The following PACRG variants were observed in gnomAD, a reference collection of about 807,000 sequenced individuals.
PACRG encodes the protein parkin coregulated gene protein.
In PACRG, 29 loss-of-function variants were observed where a neutral mutation model predicts 29.7. The ratio of observed to expected loss-of-function variants is 0.98; its 90% CI spans 0.73 to 1.33. The LOEUF is 1.33. Ranked by LOEUF, PACRG falls within the 40% of genes most tolerant of loss-of-function variation. The pLI is 0.00. For synonymous variants in PACRG, 116 were observed against 118.7 expected, an observed-to-expected ratio of 0.98 and a Z score of 0.15; for missense variants, 279 against 316.2, an observed-to-expected ratio of 0.88 and a Z score of 0.89.
intron 4 of PACRG, among the ~76,000 whole-genome samples, chr6:163,124,642 T>C (rs10945872): frequency 0.26 from 39,812 of 152,118 alleles, 6,793 homozygotes; most frequent in Non-Finnish European, 0.37. Context: ...TCCCCAGGAA[T>C]GGGATTCCAC....
chr6:163,192,231 A>G (rs984940486), intron 4 of PACRG, among the ~76,000 whole-genome samples: 1 of 152,232 alleles, frequency 6.6e-6, no homozygotes, highest in Non-Finnish European at 1.5e-5. Flanking sequence ...GAATACCAAC[A>G]TTCTTGCAAA....
At chr6:163,169,569 G>A (rs1778972129) in intron 4 of PACRG, among the ~76,000 whole-genome samples, 1 of 152,202 alleles carries the variant, frequency 6.6e-6, no homozygotes, top group Admixed American at 6.5e-5. Context: ...CACTTCACAC[G>A]GCTGCGTGCT....
intron 2 of PACRG, among the ~76,000 whole-genome samples, chr6:162,987,695 T>C (rs1201515584): frequency 6.6e-6 from 1 of 152,186 alleles, no homozygotes; most frequent in Non-Finnish European, 1.5e-5. Flanking sequence ...TTACCCAGTC[T>C]TAGGTGTGTC....
intron 2 of PACRG, among the ~76,000 whole-genome samples, chr6:162,828,760 C>A (rs1788493289): frequency 6.6e-6 from 1 of 151,966 alleles, no homozygotes; most frequent in South Asian, 2.1e-4. Context: ...AAATAAGAGT[C>A]CTAACTTAAT....
chr6:162,871,766 A>G (rs1043790706), intron 2 of PACRG, among the ~76,000 whole-genome samples: 1 of 151,984 alleles, frequency 6.6e-6, no homozygotes, highest in Non-Finnish European at 1.5e-5. Flanking sequence ...AAAATACAAA[A>G]AATTAGCTGG....
At chr6:163,245,439 G>A in intron 4 of PACRG, among the ~76,000 whole-genome samples, 1 of 152,112 alleles carries the variant, frequency 6.6e-6, no homozygotes, top group East Asian at 1.9e-4. Context: ...ATATGGCTTT[G>A]TTCATTCAAA....
intron 2 of PACRG, among the ~76,000 whole-genome samples, chr6:162,899,740 T>G (rs1197921983): frequency 1.3e-5 from 2 of 152,192 alleles, no homozygotes; most frequent in Non-Finnish European, 2.9e-5. Flanking sequence ...AAGAAATCAC[T>G]GGATACGAGT....
intron 2 of PACRG, among the ~76,000 whole-genome samples, chr6:162,838,556 T>C (rs1789451119): frequency 6.6e-6 from 1 of 152,110 alleles, no homozygotes; most frequent in Admixed American, 6.6e-5. Flanking sequence ...AGTGAGTCTT[T>C]CCCACACTAG....
At chr6:162,981,305 A>ATATATATATATATATATTTTTTTTT (rs925663285) in intron 2 of PACRG, among the ~76,000 whole-genome samples, 1 of 149,132 alleles carries the variant, frequency 6.7e-6, no homozygotes, top group African/African-American at 2.5e-5. Context: ...ATATATATAT[A>ATATATATATATATATATTTTTTTTT]TTTACAATGG....
At position 163,299,720 on chromosome 6, in the gene PACRG, A is replaced by G. The variant is rs2321512; in HGVS notation, c.614-15107A>G. Among the ~76,000 whole-genome samples the G allele has an allele frequency of 5.4e-3, 825 of 152,310 alleles. 8 individuals are homozygous for G. Among genetic ancestry groups the G allele is most frequent in the African/African-American group, 0.019 (796 of 41,558 alleles). Reference sequence around the variant, plus strand: ...ATAGTGAAACCCCGTCTCTACTAAAAATACAAAAATTAGCTGGGCATGGGG... The same window carrying G: ...ATAGTGAAACCCCGTCTCTACTAAAGATACAAAAATTAGCTGGGCATGGGG... On this transcript the variant is annotated intron_variant, in intron 4 of 4. Transcript: ENST00000366888.
rs112431133 is a variant in PACRG, at chr6:162,873,351, A to T, written c.291+59070A>T. Among the ~76,000 whole-genome samples the T allele has an allele frequency of 6.4e-3, 973 of 152,102 alleles. 12 individuals carry two copies. The highest frequency in any genetic ancestry group is 0.022 in the African/African-American group (914 of 41,482). On this transcript the variant is annotated intron_variant, in intron 2 of 4. Coordinates refer to ENST00000366888, the MANE Select transcript of PACRG (RefSeq NM_001080379.2). ...CATTAATGGTAGGTCACATGTCATTATTTTCTCAATTTTAGTGGTAGGAGT... is the reference window on the plus strand; with the variant it reads ...CATTAATGGTAGGTCACATGTCATTTTTTTCTCAATTTTAGTGGTAGGAGT...
chr6:162,735,339 A>G (rs1365736587), intron 1 of PACRG, among the ~76,000 whole-genome samples: 1 of 152,148 alleles, frequency 6.6e-6, no homozygotes, highest in African/African-American at 2.4e-5. Flanking sequence ...CTGATTTTTC[A>G]AATTTAAACT....
intron 1 of PACRG, among the ~76,000 whole-genome samples, chr6:162,747,363 TACAC>T (rs1178513770): frequency 0.063 from 2,220 of 35,040 alleles, 433 homozygotes; most frequent in African/African-American, 0.15. Context: ...TATATATATA[TACAC>T]ATACATATAT....
intron 4 of PACRG, among the ~76,000 whole-genome samples, chr6:163,174,574 G>A (rs920511846): frequency 2.6e-5 from 4 of 152,166 alleles, no homozygotes; most frequent in African/African-American, 9.7e-5. Context: ...CCATACCAAA[G>A]CCATTGCTAA....
chr6:163,017,246 A>G (rs1806195892), intron 2 of PACRG, among the ~76,000 whole-genome samples: 1 of 152,192 alleles, frequency 6.6e-6, no homozygotes, highest in African/African-American at 2.4e-5. Flanking sequence ...ATAGTGATAA[A>G]TATAAACGTG....
At chr6:162,736,130 C>T (rs1296206933) in intron 1 of PACRG, among the ~76,000 whole-genome samples, 1 of 152,226 alleles carries the variant, frequency 6.6e-6, no homozygotes, top group Admixed American at 6.5e-5. Context: ...TTTCTCTACA[C>T]TGAACTCTCT....
At chr6:163,108,950 C>G (rs1056264632) in intron 4 of PACRG, among the ~76,000 whole-genome samples, 2 of 152,078 alleles carry the variant, frequency 1.3e-5, no homozygotes, top group Non-Finnish European at 2.9e-5. Flanking sequence ...CCCATAAAGT[C>G]GCTTGTTTCT....
intron 2 of PACRG, among the ~76,000 whole-genome samples, chr6:162,978,483 TAC>T (rs34615004): frequency 6.6e-6 from 1 of 150,998 alleles, no homozygotes; most frequent in African/African-American, 2.4e-5. Context: ...CACACACACA[TAC>T]ACACACACAC....
At chr6:162,870,526 C>G (rs558312853) in intron 2 of PACRG, among the ~76,000 whole-genome samples, 181 of 152,218 alleles carry the variant, frequency 1.2e-3, no homozygotes, top group African/African-American at 4.0e-3. Flanking sequence ...ACCCATCACC[C>G]AAGCAGTACA....
Sources: allele counts gnomAD v4.1 joint callset (sites outside exome capture counted in the v4.1 genomes callset), GRCh38; gene constraint gnomAD v4.1.1; transcripts MANE v1.5; gene names NCBI Gene and HGNC (gene_info 2026-07-23, HGNC 2026-07-21).